The following SGMS2 variants were observed in gnomAD, a reference collection of about 807,000 sequenced individuals.
SGMS2 encodes the protein phosphatidylcholine:ceramide cholinephosphotransferase 2.
A neutral mutation model predicts 43.8 loss-of-function variants in SGMS2; 21 were observed. The observed-to-expected ratio is 0.48, with a 90% CI of 0.34 to 0.69. The LOEUF (loss-of-function observed/expected upper bound fraction) is 0.69. Among genes scored for constraint, SGMS2 ranks in the 30% least tolerant of loss-of-function variants. SGMS2 has a pLI of 0.01. For missense variants in SGMS2, 384 were observed against 443.2 expected (o/e 0.87, Z 1.20); for synonymous variants, 167 against 160.6 (o/e 1.04, Z -0.30).
In SGMS2 at chr4:107,910,421, G is replaced by GA. The variant is rs1382299452; in HGVS notation, c.971dup (p.Asn324LysfsTer36). ...GGTTCCCCATCTTTTATTTTTTTGA[G>GA]AAAAATGTACAAGGCTCAATTCCTT... On this transcript the variant is annotated frameshift_variant, in exon 7 of 7. Coordinates refer to ENST00000690982, the MANE Select transcript of SGMS2 (RefSeq NM_001375905.1). LOFTEE classifies it high-confidence loss of function. 2.5e-6 allele frequency: 4 copies of GA among 1,613,834 alleles called. No homozygotes were observed. Among genetic ancestry groups the GA allele is most frequent in the Non-Finnish European group, 3.4e-6 (4 of 1,179,956 alleles).
intron 1 of SGMS2, among the ~76,000 whole-genome samples, chr4:107,846,189 G>A (rs1003709869): frequency 6.6e-6 from 1 of 150,476 alleles, no homozygotes; most frequent in Non-Finnish European, 1.5e-5. Context: ...GTATACATGT[G>A]CCATGCTGGT....
At position 107,887,311 on chromosome 4, in the gene SGMS2, G is replaced by A. The variant is rs536510417; in HGVS notation, c.-244-7999G>A. Among the ~76,000 whole-genome samples, 51 of 152,200 alleles carry A rather than the reference G, an allele frequency of 3.4e-4. 1 individual carries two copies. The highest frequency in any genetic ancestry group is 1.2e-3 in the African/African-American group (49 of 41,548). On this transcript the variant is annotated intron_variant, in intron 2 of 6. Transcript: ENST00000690982. Reference sequence around the variant, plus strand: ...GACAATTTTCTGTGGATGACAAAACGTTTTAGGGCAGCCATAGTCAAAGAC... The same window carrying A: ...GACAATTTTCTGTGGATGACAAAACATTTTAGGGCAGCCATAGTCAAAGAC...
intron 2 of SGMS2, among the ~76,000 whole-genome samples, chr4:107,863,156 G>A (rs1231528094): frequency 1.3e-5 from 2 of 152,142 alleles, no homozygotes. Flanking sequence ...TTGCCCTTGG[G>A]TCACATCTCT....
chr4:107,855,819 G>C (rs1044831691), intron 1 of SGMS2, among the ~76,000 whole-genome samples: 1 of 152,088 alleles, frequency 6.6e-6, no homozygotes, highest in African/African-American at 2.4e-5. Context: ...TTTGCAATCT[G>C]TCTCTCCCTT....
At chr4:107,893,124 C>T (rs1730369478) in intron 2 of SGMS2, 1 of 152,050 alleles carries the variant, frequency 6.6e-6, no homozygotes, top group Non-Finnish European at 1.5e-5. Flanking sequence ...TTCAGTCATT[C>T]TCATAGCAGT....
At chr4:107,844,655 G>T (rs779388281) in intron 1 of SGMS2, among the ~76,000 whole-genome samples, 1 of 152,118 alleles carries the variant, frequency 6.6e-6, no homozygotes, top group Non-Finnish European at 1.5e-5. Context: ...GCAGTGAGCC[G>T]TGATTGCACC....
At chr4:107,840,710 A>C (rs1487952708) in intron 1 of SGMS2, among the ~76,000 whole-genome samples, 1 of 152,216 alleles carries the variant, frequency 6.6e-6, no homozygotes, top group Non-Finnish European at 1.5e-5. Flanking sequence ...ATCATACTAA[A>C]ATTTTTATAA....
intron 1 of SGMS2, among the ~76,000 whole-genome samples, chr4:107,838,494 A>C (rs1726322288): frequency 6.6e-6 from 1 of 152,144 alleles, no homozygotes; most frequent in Non-Finnish European, 1.5e-5. Flanking sequence ...GTGCATTTAC[A>C]GGAAGTTACA....
intron 2 of SGMS2, among the ~76,000 whole-genome samples, chr4:107,891,536 A>G (rs76113029): frequency 2.6e-5 from 4 of 152,134 alleles, no homozygotes; most frequent in African/African-American, 4.8e-5. Flanking sequence ...TGTCTCATGC[A>G]GAGGAAATCA....
Position 107,913,047 on chromosome 4 carries a change from A to C in SGMS2, c.*2494A>C, listed in dbSNP as rs1732225617. On this transcript the variant is annotated 3_prime_UTR_variant, in exon 7 of 7. Coordinates refer to ENST00000690982, the MANE Select transcript of SGMS2 (RefSeq NM_001375905.1). ...ATAAAACAAGTATGATATATATATAAACTGAAGATATAAAACAAGTATGAT... is the reference window on the plus strand; with the variant it reads ...ATAAAACAAGTATGATATATATATACACTGAAGATATAAAACAAGTATGAT... 2 of 152,148 alleles carry C rather than the reference A, an allele frequency of 1.3e-5. No homozygotes were observed. The highest frequency in any genetic ancestry group is 4.8e-5 in the African/African-American group (2 of 41,442). 9.4% of individuals were successfully genotyped at this position (152,148 alleles called of 1,614,324 possible).
intron 1 of SGMS2, among the ~76,000 whole-genome samples, chr4:107,847,174 A>C (rs1344556832): frequency 6.6e-6 from 1 of 151,720 alleles, no homozygotes; most frequent in Non-Finnish European, 1.5e-5. Flanking sequence ...TGTTTTAGAC[A>C]TGAAGTCCTT....
At chr4:107,891,922 C>A (rs1730253449) in intron 2 of SGMS2, among the ~76,000 whole-genome samples, 1 of 152,126 alleles carries the variant, frequency 6.6e-6, no homozygotes, top group Admixed American at 6.6e-5. Context: ...ATTGGCACAG[C>A]TGCTGGCAGT....
In SGMS2 at chr4:107,867,944, A is replaced by G. The variant is rs888270843; in HGVS notation, c.-245+9391A>G. On this transcript the variant is annotated intron_variant, in intron 2 of 6. Coordinates refer to ENST00000690982, the MANE Select transcript of SGMS2 (RefSeq NM_001375905.1). ...TAAATTTAAATCATTAATAGGATACATAGTCAAAATTTTTAAACACTTGGA... is the reference window on the plus strand; with the variant it reads ...TAAATTTAAATCATTAATAGGATACGTAGTCAAAATTTTTAAACACTTGGA... 5 of 152,328 alleles carry G rather than the reference A, an allele frequency of 3.3e-5. 1 individual carries two copies. The South Asian group carries it at 1.0e-3, about 32-fold the overall frequency. 9.4% of individuals were successfully genotyped at this position (152,328 alleles called of 1,614,324 possible). A position where few individuals can be genotyped will look rare whatever the true frequency, so the allele number is the denominator to read the frequency against.
rs1488479729 is a variant in SGMS2 at position 107,914,115 on chromosome 4, T to G, written c.*3562T>G. 6.6e-6 allele frequency: 1 copy of G among 152,116 alleles called. No homozygotes were observed. The highest frequency in any genetic ancestry group is 1.5e-5 in the Non-Finnish European group (1 of 67,974). The allele number at this position is 152,116 out of a possible 1,614,324, so 9.4% of individuals were successfully genotyped here. On this transcript the variant is annotated 3_prime_UTR_variant, in exon 7 of 7. Coordinates refer to ENST00000690982, the MANE Select transcript of SGMS2 (RefSeq NM_001375905.1). Reference sequence around the variant, plus strand: ...TTAGTATTTGTTTTTAGTGTCCTTGTGTTGCAATAATTTAACTCCTTTGAC... The same window carrying G: ...TTAGTATTTGTTTTTAGTGTCCTTGGGTTGCAATAATTTAACTCCTTTGAC...
Position 107,895,627 on chromosome 4 carries a change from C to T in SGMS2, c.74C>T (p.Ala25Val). 6.2e-7 allele frequency: 1 copy of T among 1,614,006 alleles called. No homozygotes were observed. The highest frequency in any genetic ancestry group is 8.5e-7 in the Non-Finnish European group (1 of 1,179,954). Residue 25 changes from alanine to valine, a missense_variant, in exon 3 of 7, where the codon GCA becomes GTA. Ala to Val is a moderately conservative substitution (Grantham distance 64). Transcript: ENST00000690982. ...CCCAGTGATCCTACGAACACTTATG[C>T]AAGACCCGCTGAACCTGTTGAAGAA... ...NQPSDPTNTYARPAEPVEEEN... is the reference protein window; with the variant it reads ...NQPSDPTNTYVRPAEPVEEEN...
intron 1 of SGMS2, among the ~76,000 whole-genome samples, chr4:107,836,390 T>C (rs578192571): frequency 2.5e-4 from 38 of 152,356 alleles, no homozygotes; most frequent in Non-Finnish European, 4.1e-4. Flanking sequence ...CTGGTTCCAG[T>C]GTCTTTTGCA....
chr4:107,836,083 T>C (rs1357564318), intron 1 of SGMS2, among the ~76,000 whole-genome samples: 2 of 152,240 alleles, frequency 1.3e-5, no homozygotes, highest in East Asian at 3.8e-4. Context: ...CCAGTTATAA[T>C]CAATATAAAA....
chr4:107,902,092 T>A (rs968277013), intron 4 of SGMS2, among the ~76,000 whole-genome samples: 27 of 151,748 alleles, frequency 1.8e-4, no homozygotes, highest in Non-Finnish European at 3.2e-4. Context: ...TTTCCTTTTT[T>A]TTTTTTAGTA....
intron 4 of SGMS2, 58 bp downstream of exon 4, chr4:107,899,750 AC>A: frequency 8.7e-7 from 1 of 1,155,456 alleles, no homozygotes; most frequent in Non-Finnish European, 1.3e-6. Flanking sequence ...TTGATCACTT[AC>A]CCTGTATTAT....
Sources: gnomAD v4.1 joint callset for allele counts (sites outside exome capture counted in the v4.1 genomes callset) on GRCh38, gnomAD v4.1.1 for gene constraint, MANE v1.5 for transcripts, NCBI Gene and HGNC (gene_info 2026-07-23, HGNC 2026-07-21) for gene names.